The following USP22 variants were observed in gnomAD, a reference collection of about 807,000 sequenced individuals.
The protein encoded by USP22 is ubiquitin carboxyl-terminal hydrolase 22.
A neutral mutation model predicts 68.1 loss-of-function variants in USP22; 22 were observed. That is an observed-to-expected ratio of 0.32 (90% CI 0.23 to 0.46). The LOEUF (loss-of-function observed/expected upper bound fraction) is 0.46. Among genes scored for constraint, USP22 ranks in the 20% least tolerant of loss-of-function variants. USP22 has a pLI of 1.00. For missense variants in USP22, 433 were observed against 695.8 expected (o/e 0.62, Z 4.25); for synonymous variants, 279 against 274.2 (o/e 1.02, Z -0.17).
chr17:21,032,063 TATC>T (rs1198942053), intron 1 of USP22, among the ~76,000 whole-genome samples: 1 of 152,212 alleles, frequency 6.6e-6, no homozygotes, highest in Non-Finnish European at 1.5e-5. Flanking sequence ...AAGATTATAG[TATC>T]ATATTTTTAC....
chr17:21,004,373 G>C, intron 11 of USP22, 22 bp from the exon 12 acceptor site: 1 of 1,611,912 alleles, frequency 6.2e-7, no homozygotes, highest in Non-Finnish European at 8.5e-7. Flanking sequence ...GCAAAGGAGA[G>C]GGAGGGCGCA....
chr17:21,016,715 G>A (rs1972087704), intron 5 of USP22, among the ~76,000 whole-genome samples: 1 of 152,192 alleles, frequency 6.6e-6, no homozygotes, highest in Non-Finnish European at 1.5e-5. Flanking sequence ...CGTATGATGC[G>A]CTGGTAAAGG....
intron 1 of USP22, among the ~76,000 whole-genome samples, chr17:21,028,875 TC>T (rs1972255290): frequency 6.8e-6 from 1 of 146,684 alleles, no homozygotes; most frequent in Non-Finnish European, 1.5e-5. Flanking sequence ...GAAAACTAGC[TC>T]CCCATAGGAA....
At chr17:21,036,075 C>T (rs1169043167) in intron 1 of USP22, among the ~76,000 whole-genome samples, 2 of 146,516 alleles carry the variant, frequency 1.4e-5, no homozygotes, top group African/African-American at 2.6e-5. Context: ...TTTCAATCCA[C>T]TCAATGGATA....
Position 21,028,570 on chromosome 17 carries a change from C to T in USP22, c.276G>A (p.Glu92=), listed in dbSNP as rs994143476. ...GGTTGTGCCGCTTCGCCTTCGCATGCTCGTGAATATGCTTCTTTGTGAAAC... is the reference window on the plus strand; with the variant it reads ...GGTTGTGCCGCTTCGCCTTCGCATGTTCGTGAATATGCTTCTTTGTGAAAC... The part of the protein sequence containing the change: ...FGCFTKKHIH[E]HAKAKRHNLA... Residue 92 remains glutamate, a synonymous_variant, in exon 2 of 13, where the codon GAG becomes GAA. Coordinates refer to ENST00000261497, the MANE Select transcript of USP22 (RefSeq NM_015276.2). The T allele has an allele frequency of 1.2e-6, 2 of 1,613,936 alleles. No individual in the cohort carries two copies. Among genetic ancestry groups the T allele is most frequent in the African/African-American group, 2.7e-5 (2 of 74,880 alleles).
intron 5 of USP22, 52 bp downstream of exon 5, chr17:21,017,886 TGAAG>T: frequency 6.3e-7 from 1 of 1,593,316 alleles, no homozygotes; most frequent in Non-Finnish European, 8.5e-7. Flanking sequence ...ATTTTTTTTT[TGAAG>T]GTGAAAACAA....
chr17:21,043,009 A>G lies in USP22; in HGVS notation c.-174T>C. On this transcript the variant is annotated 5_prime_UTR_variant, in exon 1 of 13. Transcript: ENST00000261497. ...TGCGCGATCGCCGAGGGGAGGCTGC[A>G]AGGCAGGCACCGCCCCCGAGCTGCG... is the stretch of plus-strand genomic sequence containing the variant. 2 of 329,522 alleles carry G rather than the reference A, an allele frequency of 6.1e-6. No homozygotes were observed. Among genetic ancestry groups the G allele is most frequent in the Non-Finnish European group, 1.1e-5 (2 of 187,392 alleles). 20.4% of individuals were successfully genotyped at this position (329,522 alleles called of 1,614,324 possible).
At chr17:21,006,751 C>CT in intron 10 of USP22, 145 bp downstream of exon 10, 2 of 534,500 alleles carry the variant, frequency 3.7e-6, no homozygotes, top group Non-Finnish European at 6.5e-6. Context: ...GATCTGCCCG[C>CT]TTCGACCTCC....
intron 1 of USP22, 116 bp downstream of exon 1, chr17:21,042,549 G>A (rs1463282621): frequency 1.9e-6 from 2 of 1,032,298 alleles, no homozygotes; most frequent in East Asian, 3.3e-5. Context: ...GGAAGAGGAA[G>A]GACAGGGAAA....
chr17:21,021,106 A>AAACTTCTCT lies in USP22; in HGVS notation c.418+6_418+7insAGAGAAGTT. 1 of 1,611,608 alleles carries AAACTTCTCT rather than the reference A, an allele frequency of 6.2e-7. No homozygotes were observed. The highest frequency in any genetic ancestry group is 1.7e-4 in the Middle Eastern group (1 of 6,060). On this transcript the variant is annotated splice_region_variant and intron_variant, in intron 3 of 12. Transcript: ENST00000261497. ...GATCAAGCAGGTAAACTGAGGTGGA[A>AAACTTCTCT]CCAAACCTTGCATTTTCCAAGCTTT...
chr17:21,018,539 A>C (rs1972116040), intron 4 of USP22, among the ~76,000 whole-genome samples: 1 of 152,052 alleles, frequency 6.6e-6, no homozygotes. Flanking sequence ...ACATGGTGAG[A>C]TGTCTCTACG....
chr17:21,006,066 T>TGTAG (rs1913768361), intron 10 of USP22, among the ~76,000 whole-genome samples: 1 of 152,196 alleles, frequency 6.6e-6, no homozygotes, highest in Non-Finnish European at 1.5e-5. Flanking sequence ...CCAAGACCCT[T>TGTAG]GTAGGACATG....
intron 8 of USP22, 107 bp from the exon 9 acceptor site, chr17:21,008,103 A>G (rs1913834635): frequency 7.5e-7 from 1 of 1,334,312 alleles, no homozygotes; most frequent in Non-Finnish European, 1.0e-6. Context: ...TCCCTACCAA[A>G]AACATACACT....
intron 1 of USP22, among the ~76,000 whole-genome samples, chr17:21,035,323 A>G (rs1322505392): frequency 6.6e-6 from 1 of 152,234 alleles, no homozygotes; most frequent in African/African-American, 2.4e-5. Context: ...TGCTACAGGT[A>G]CTGGCCAACA....
chr17:21,024,194 C>A (rs991190027), intron 2 of USP22, among the ~76,000 whole-genome samples: 1 of 152,102 alleles, frequency 6.6e-6, no homozygotes, highest in East Asian at 1.9e-4. Flanking sequence ...AGCACATGGA[C>A]GTCACAGAGA....
Position 21,004,930 on chromosome 17 carries a change from G to T in USP22, c.1383C>A (p.Asn461Lys). 6.2e-7 allele frequency: 1 copy of T among 1,614,192 alleles called. No homozygotes were observed. The highest frequency in any genetic ancestry group is 8.5e-7 in the Non-Finnish European group (1 of 1,180,026). ...QQPTDSLNND[N>K]KYSLFAVVNH... ...CCACACCGCTAAGCACCACTTACTT[G>T]TTGTCATTGTTGAGACTGTCCGTGG... Residue 461 changes from asparagine to lysine, a missense_variant and splice_region_variant, in exon 11 of 13, where the codon AAC becomes AAA. Physicochemically the swap from Asn to Lys is moderately conservative, Grantham distance 94 (BLOSUM62 0). Coordinates refer to ENST00000261497, the MANE Select transcript of USP22 (RefSeq NM_015276.2).
At chr17:21,028,232 T>C (rs1212999895) in intron 2 of USP22, among the ~76,000 whole-genome samples, 1 of 152,106 alleles carries the variant, frequency 6.6e-6, no homozygotes, top group Non-Finnish European at 1.5e-5. Context: ...TTGCCTAAGG[T>C]GATTCCTATG....
upstream of USP22, chr17:21,043,299 A>ACCACCCCCC (rs1972473162): frequency 8.7e-5 from 1 of 11,524 alleles, no homozygotes; most frequent in African/African-American, 3.6e-4. Flanking sequence ...GTAGTAGGCC[A>ACCACCCCCC]CCCCCCCCCC....
rs186613657 is a variant in USP22, at chr17:21,036,179, G to A, written c.171+6486C>T. Among the ~76,000 whole-genome samples the A allele has an allele frequency of 1.3e-4, 20 of 151,964 alleles. 1 individual carries two copies. In the South Asian group the frequency reaches 3.1e-3, roughly 24 times the overall value. On this transcript the variant is annotated intron_variant, in intron 1 of 12. Coordinates refer to ENST00000261497, the MANE Select transcript of USP22 (RefSeq NM_015276.2). Reference sequence around the variant, plus strand: ...ACATTCTGGAAAGGGAAAAACCTCCGAGATGGAGACGAGACCAGTGGTTGT... The same window carrying A: ...ACATTCTGGAAAGGGAAAAACCTCCAAGATGGAGACGAGACCAGTGGTTGT...
Sources: gnomAD v4.1 joint callset for allele counts (sites outside exome capture counted in the v4.1 genomes callset) on GRCh38, gnomAD v4.1.1 for gene constraint, MANE v1.5 for transcripts, NCBI Gene and HGNC (gene_info 2026-07-23, HGNC 2026-07-21) for gene names.